Variants in DNAH1 observed in about 807,000 individuals in gnomAD.
DNAH1 encodes axonemal beta dynein heavy chain 1.
DNAH1 carries 327 observed loss-of-function variants against 484.3 expected under a neutral mutation model. The ratio of observed to expected loss-of-function variants is 0.68; its 90% CI spans 0.62 to 0.74. The LOEUF is 0.74. Among genes scored for constraint, DNAH1 ranks in the 30% least tolerant of loss-of-function variants. DNAH1 has a pLI of 0.00. For missense variants in DNAH1, 5,052 were observed against 5,546.8 expected (o/e 0.91, Z 2.83); for synonymous variants, 2,192 against 2,191.9 (o/e 1.00, Z 0.00).
At chr3:52,343,526 T>C (rs1439076721) in intron 8 of DNAH1, among the ~76,000 whole-genome samples, 1 of 152,078 alleles carries the variant, frequency 6.6e-6, no homozygotes, top group East Asian at 1.9e-4. Context: ...GAGAGTCTTT[T>C]CCAGGTTCCG....
intron 15 of DNAH1, 36 bp downstream of exon 15, chr3:52,350,144 C>T (rs765433617): frequency 6.3e-7 from 1 of 1,599,936 alleles, no homozygotes; most frequent in East Asian, 2.2e-5. Flanking sequence ...GCCAGGGAGG[C>T]ACAGGGCTGG....
At position 52,381,197 on chromosome 3, in the gene DNAH1, C is replaced by T. The variant is rs1328157127; in HGVS notation, c.7609-443C>T. 6.6e-6 allele frequency among the ~76,000 whole-genome samples: 1 copy of T among 152,160 alleles called. No individual in the cohort carries two copies. Among genetic ancestry groups the T allele is most frequent in the Non-Finnish European group, 1.5e-5 (1 of 68,038 alleles). ...CTTACTGCAGCCTCTACCTCATGGG[C>T]TCTATCAGTCGTCCCACCTCAGCGT... On this transcript the variant is annotated intron_variant, in intron 48 of 77. Coordinates refer to ENST00000420323, the MANE Select transcript of DNAH1 (RefSeq NM_015512.5). The surrounding 1 kb of genome is among the most constrained non-coding windows in gnomAD (Gnocchi z 4.1).
At position 52,345,485 on chromosome 3, in the gene DNAH1, A is replaced by G; in HGVS notation, c.1445-10A>G. 1 of 1,556,494 alleles carries G rather than the reference A, an allele frequency of 6.4e-7. No individual in the cohort carries two copies. The highest frequency in any genetic ancestry group is 8.7e-7 in the Non-Finnish European group (1 of 1,149,558). On this transcript the variant is annotated splice_polypyrimidine_tract_variant and intron_variant, in intron 9 of 77. Transcript: ENST00000420323. ...GGTCTGATACTGGCCCTTGGCCCCT[A>G]TCCCTGCAGGGCTGGTGAGTGTCCC...
rs1027067904 is a variant in DNAH1 at position 52,373,036 on chromosome 3, A to G, written c.6968A>G (p.Tyr2323Cys). 1 of 1,612,408 alleles carries G rather than the reference A, an allele frequency of 6.2e-7. No individual in the cohort carries two copies. Among genetic ancestry groups the G allele is most frequent in the South Asian group, 1.1e-5 (1 of 91,036 alleles). ...CAGTGGATGGACCACGGCGGCTGGT[A>G]CGACCGCAAGATCATTGGTGAGTGT... ...LRQWMDHGGW[Y>C]DRKIIGAFKN... The change falls in exon 44 of 78, where the codon TAC (tyrosine) becomes TGC (cysteine). Residue 2323 changes from tyrosine (Y) to cysteine (C), a missense_variant. Transcript: ENST00000420323.
At chr3:52,371,431 C>A in intron 41 of DNAH1, among the ~76,000 whole-genome samples, 1 of 152,234 alleles carries the variant, frequency 6.6e-6, no homozygotes, top group Non-Finnish European at 1.5e-5. Flanking sequence ...GTGATCCCCC[C>A]ATCAGGGGAC....
Position 52,346,526 on chromosome 3 carries a change from A to C in DNAH1, c.1711A>C (p.Ser571Arg). 6.2e-7 allele frequency: 1 copy of C among 1,613,810 alleles called. No individual in the cohort carries two copies. The highest frequency in any genetic ancestry group is 1.3e-5 in the African/African-American group (1 of 75,066). Residue 571 changes from serine to arginine, a missense_variant, in exon 11 of 78, where the codon AGC becomes CGC. Transcript: ENST00000420323. ...CAGCTCGCTAAAGGTGGCCATGCGC[A>C]GCAGCCTGCGCGACATGAGCAAGGG... The part of the protein sequence containing the change: ...WISSLKVAMR[S>R]SLRDMSKGWY...
At chr3:52,384,999 T>A in intron 53 of DNAH1, 22 bp downstream of exon 53, 1 of 1,602,978 alleles carries the variant, frequency 6.2e-7, no homozygotes, top group South Asian at 1.1e-5. Context: ...CGAGTCCCCG[T>A]GGACAAGGTC....
At chr3:52,334,125 T>C (rs990766427) in intron 8 of DNAH1, among the ~76,000 whole-genome samples, 11 of 152,212 alleles carry the variant, frequency 7.2e-5, no homozygotes, top group Non-Finnish European at 8.8e-5. Flanking sequence ...CTTGATGATA[T>C]AGCTGGCTGC....
At chr3:52,392,421 G>T in intron 63 of DNAH1, 43 bp from the exon 64 acceptor site, 3 of 1,587,938 alleles carry the variant, frequency 1.9e-6, no homozygotes, top group Non-Finnish European at 2.6e-6. Flanking sequence ...GCCCTCCGGG[G>T]CCCACCAGGT....
rs140812060 is a variant in DNAH1, at chr3:52,398,786, C to T, written c.12090-64C>T. On this transcript the variant is annotated intron_variant, in intron 75 of 77. Transcript: ENST00000420323. ...TTTTTCACTCTGTGGCCTTGAGCTG[C>T]GGAGCATAGCTACTGCCACGTGACC... 2,074 of 1,342,084 alleles carry T rather than the reference C, an allele frequency of 1.5e-3. 3 individuals are homozygous for T. Among genetic ancestry groups the T allele is most frequent in the Non-Finnish European group, 1.9e-3 (1,901 of 1,001,746 alleles). The allele number at this position is 1,342,084 out of a possible 1,614,324, so 83.1% of individuals were successfully genotyped here.
chr3:52,394,880 G>T (rs746393852), intron 67 of DNAH1, 35 bp from the exon 68 acceptor site: 1 of 1,606,972 alleles, frequency 6.2e-7, no homozygotes. Flanking sequence ...CTTCCAACAG[G>T]CTGGCTCTCA....
At chr3:52,331,071 C>T (rs530160628) in intron 6 of DNAH1, 77 bp from the exon 7 acceptor site, 56 of 1,483,162 alleles carry the variant, frequency 3.8e-5, no homozygotes, top group Admixed American at 4.6e-5. Flanking sequence ...CCATTCCCAG[C>T]GATGCTGCCA....
In DNAH1 at chr3:52,381,598, T is replaced by G; in HGVS notation, c.7609-42T>G. ...GGGGGGAATCGGGGAGACCCTACAG[T>G]AAGAGAGACCCCGCCTTCCCCATCC... On this transcript the variant is annotated intron_variant, in intron 48 of 77. Transcript: ENST00000420323. This position sits in a 1 kb window ranked among gnomAD's most constrained non-coding sequence, Gnocchi z 4.1. 1 of 1,542,240 alleles carries G rather than the reference T, an allele frequency of 6.5e-7. No homozygotes were observed. Among genetic ancestry groups the G allele is most frequent in the South Asian group, 1.2e-5 (1 of 82,014 alleles).
rs1471799383 is a variant in DNAH1 at position 52,344,609 on chromosome 3, C to G, written c.1406C>G (p.Thr469Ser). 1 of 1,613,920 alleles carries G rather than the reference C, an allele frequency of 6.2e-7. No homozygotes were observed. Among genetic ancestry groups the G allele is most frequent in the Non-Finnish European group, 8.5e-7 (1 of 1,179,850 alleles). ...SSKPETFSYVTLPKKEEEQVP... is the reference protein window; with the variant it reads ...SSKPETFSYVSLPKKEEEQVP... ...AAGCCCGAGACCTTCTCCTACGTCA[C>G]CCTCCCCAAGAAGGAGGAGGAGCAG... Residue 469 changes from threonine to serine, a missense_variant, in exon 9 of 78, where the codon ACC becomes AGC. Thr to Ser is a moderately conservative substitution (Grantham distance 58, BLOSUM62 1). Coordinates refer to ENST00000420323, the MANE Select transcript of DNAH1 (RefSeq NM_015512.5).
Position 52,344,543 on chromosome 3 carries a change from G to A in DNAH1, c.1340G>A (p.Arg447His), listed in dbSNP as rs1160281261. The A allele has an allele frequency of 8.7e-6, 14 of 1,613,898 alleles. No individual in the cohort carries two copies. The highest frequency in any genetic ancestry group is 1.1e-5 in the South Asian group (1 of 91,096). Residue 447 changes from arginine to histidine, a missense_variant, in exon 9 of 78, where the codon CGC (arginine) becomes CAC (histidine). Transcript: ENST00000420323. ...AGAGAAGTGAGCCTGGACTATGAGCGCAGCATGAACAAGATCAACTTTGAC... is the reference window on the plus strand; with the variant it reads ...AGAGAAGTGAGCCTGGACTATGAGCACAGCATGAACAAGATCAACTTTGAC... ...LAREVSLDYE[R>H]SMNKINFDHV...
chr3:52,358,737 G>T lies in DNAH1; in HGVS notation c.4266G>T (p.Thr1422=), dbSNP rs915762518. 6.2e-7 allele frequency: 1 copy of T among 1,612,164 alleles called. No individual in the cohort carries two copies. The highest frequency in any genetic ancestry group is 8.5e-7 in the Non-Finnish European group (1 of 1,179,594). The change falls in exon 25 of 78, where the codon ACG becomes ACT. Residue 1422 remains threonine, a splice_region_variant and synonymous_variant. Transcript: ENST00000420323. This position sits in a 1 kb window ranked among gnomAD's most constrained non-coding sequence, Gnocchi z 4.2. ...IIEKAIRAYP[T]MPRTQWVLNW... ...AGAAGGCCATCAGGGCCTACCCCAC[G>T]GTGAGCCGCCCGCAGCCCGTGCAGC...
chr3:52,371,122 A>G (rs1436237842), intron 41 of DNAH1, among the ~76,000 whole-genome samples: 1 of 152,216 alleles, frequency 6.6e-6, no homozygotes, highest in African/African-American at 2.4e-5. Flanking sequence ...TGCGGAGCCC[A>G]GGGACTGGCC....
Position 52,347,846 on chromosome 3 carries a change from A to G in DNAH1, c.1978A>G (p.Ile660Val). ...CAGGCCCCGGAAGAATCCCCTGTTC[A>G]TCATGGACCTGGTGCTGGACAGCTC... ...PYRPRKNPLFIMDLVLDSSGV... is the reference protein window; with the variant it reads ...PYRPRKNPLFVMDLVLDSSGV... Residue 660 changes from isoleucine to valine, a missense_variant, in exon 12 of 78, where the codon ATC (isoleucine) becomes GTC (valine). Coordinates refer to ENST00000420323, the MANE Select transcript of DNAH1 (RefSeq NM_015512.5). 6.3e-7 allele frequency: 1 copy of G among 1,597,260 alleles called. No individual in the cohort carries two copies. The highest frequency in any genetic ancestry group is 8.5e-7 in the Non-Finnish European group (1 of 1,171,204).
chr3:52,372,409 C>T (rs756416379), intron 43 of DNAH1, 22 bp downstream of exon 43: 1 of 1,611,426 alleles, frequency 6.2e-7, no homozygotes, highest in Non-Finnish European at 8.5e-7. Flanking sequence ...CTCCCTCCTT[C>T]CTCACCCCTG....
Sources: allele counts gnomAD v4.1 joint callset (sites outside exome capture counted in the v4.1 genomes callset), GRCh38; gene constraint gnomAD v4.1.1; non-coding constraint Gnocchi (gnomAD v3.1); transcripts MANE v1.5; gene names NCBI Gene and HGNC (gene_info 2026-07-23, HGNC 2026-07-21).